The following GRID2 variants were observed in gnomAD, a reference collection of about 807,000 sequenced individuals.
GRID2 encodes glutamate ionotropic receptor delta type subunit 2, also known as glutamate receptor ionotropic, delta-2.
GRID2 carries 33 observed loss-of-function variants against 114.8 expected under a neutral mutation model. That is an observed-to-expected ratio of 0.29 (90% confidence interval 0.22 to 0.38). The LOEUF is 0.38. Ranked by LOEUF, GRID2 falls within the 10% of genes least tolerant of loss-of-function variation. GRID2 has a pLI of 1.00. For synonymous variants in GRID2, 505 were observed against 449.9 expected, an observed-to-expected ratio of 1.12 and a Z score of -1.55; for missense variants, 1,184 against 1,257.7, an observed-to-expected ratio of 0.94 and a Z score of 0.89.
At chr4:93,528,586 C>G (rs1365357503) in intron 13 of GRID2, among the ~76,000 whole-genome samples, 1 of 152,076 alleles carries the variant, frequency 6.6e-6, no homozygotes, top group Non-Finnish European at 1.5e-5. Flanking sequence ...TCACATTATG[C>G]TCCAATAAAA....
chr4:93,791,289 A>G (rs964091852), intron 1 of GRID2, among the ~76,000 whole-genome samples: 1 of 152,230 alleles, frequency 6.6e-6, no homozygotes, highest in African/African-American at 2.4e-5. Context: ...TTAAATATGC[A>G]CCACCTCGTG....
intron 2 of GRID2, among the ~76,000 whole-genome samples, chr4:92,913,467 T>C (rs1459403679): frequency 6.6e-6 from 1 of 151,936 alleles, no homozygotes; most frequent in Non-Finnish European, 1.5e-5. Context: ...TTCAAGATTA[T>C]CCTAAATATA....
chr4:92,607,830 C>A (rs1560486255), intron 2 of GRID2, among the ~76,000 whole-genome samples: 1 of 151,854 alleles, frequency 6.6e-6, no homozygotes, highest in African/African-American at 2.4e-5. Context: ...TAGAAGCACT[C>A]TACCTCTTCC....
At chr4:93,477,417 A>T (rs1013204231) in intron 11 of GRID2, among the ~76,000 whole-genome samples, 11 of 152,122 alleles carry the variant, frequency 7.2e-5, no homozygotes, top group Admixed American at 2.0e-4. Context: ...TTGATTATCC[A>T]TTAATATTGT....
At chr4:93,648,520 A>G (rs1722313269) in intron 14 of GRID2, among the ~76,000 whole-genome samples, 1 of 152,154 alleles carries the variant, frequency 6.6e-6, no homozygotes. Flanking sequence ...TTGAAGGGCT[A>G]TTTCTTAAAT....
chr4:92,348,340 A>C (rs1273891926), intron 1 of GRID2, among the ~76,000 whole-genome samples: 1 of 152,200 alleles, frequency 6.6e-6, no homozygotes, highest in African/African-American at 2.4e-5. Context: ...CAAGCATTTT[A>C]CATAAACCAT....
intron 2 of GRID2, among the ~76,000 whole-genome samples, chr4:92,956,549 A>G (rs945425366): frequency 4.6e-5 from 7 of 152,176 alleles, no homozygotes; most frequent in Non-Finnish European, 1.0e-4. Context: ...TAGATGTGCC[A>G]TAATTTATCA....
chr4:93,243,272 T>C (rs77596026), intron 8 of GRID2, among the ~76,000 whole-genome samples: 15,366 of 152,112 alleles, frequency 0.1, 1,463 homozygotes, highest in East Asian at 0.23. Flanking sequence ...AATTCATAGC[T>C]TGCCAGCTCA....
At chr4:93,715,227 G>T (rs115762830) in intron 14 of GRID2, among the ~76,000 whole-genome samples, 2,358 of 152,240 alleles carry the variant, frequency 0.015, 27 homozygotes, top group Non-Finnish European at 0.022. Flanking sequence ...GTTTGTTGAA[G>T]ATCAGATGGT....
chr4:92,825,689 G>T (rs1029361470), intron 2 of GRID2, among the ~76,000 whole-genome samples: 1 of 152,052 alleles, frequency 6.6e-6, no homozygotes, highest in Non-Finnish European at 1.5e-5. Flanking sequence ...ATAAATGAGA[G>T]CCACCTCCGC....
chr4:92,795,445 T>C (rs565142623), intron 2 of GRID2, among the ~76,000 whole-genome samples: 175 of 152,086 alleles, frequency 1.2e-3, no homozygotes, highest in Admixed American at 0.011. Flanking sequence ...TGTGAAACTG[T>C]AAATCCAATT....
In GRID2 at chr4:92,956,607, C is replaced by T. The variant is rs142825806; in HGVS notation, c.245-128388C>T. Among the ~76,000 whole-genome samples, 12 of 152,234 alleles carry T rather than the reference C, an allele frequency of 7.9e-5. No homozygotes were observed. In the East Asian group the frequency reaches 1.2e-3, roughly 15 times the overall value. On this transcript the variant is annotated intron_variant, in intron 2 of 15. Coordinates refer to ENST00000282020, the MANE Select transcript of GRID2 (RefSeq NM_001510.4). ...CAAGTTTTGGCAATTATAAATAAAG[C>T]TACTATAAGCATCAATTTTCAGGTT...
chr4:92,782,665 A>C (rs1233249419), intron 2 of GRID2, among the ~76,000 whole-genome samples: 1 of 152,130 alleles, frequency 6.6e-6, no homozygotes, highest in Non-Finnish European at 1.5e-5. Context: ...TAGATATGGA[A>C]ATGTATTACC....
intron 1 of GRID2, among the ~76,000 whole-genome samples, chr4:92,360,351 G>C (rs890196784): frequency 4.0e-5 from 6 of 151,816 alleles, no homozygotes; most frequent in Admixed American, 1.3e-4. Context: ...TCATAAAATT[G>C]TTTTGATTCT....
In GRID2 at chr4:93,122,890, G is replaced by GTTTT. The variant is rs886185779; in HGVS notation, c.735+11956_735+11959dup. On this transcript the variant is annotated intron_variant, in intron 4 of 15. Transcript: ENST00000282020. ...GTTACTAGTCAATCCACAGATGTGG[G>GTTTT]TTTTTTTTTTTTTTTTTTTTTTGAT... Among the ~76,000 whole-genome samples the GTTTT allele has an allele frequency of 4.2e-3, 291 of 69,726 alleles. 21 individuals carry two copies. The highest frequency in any genetic ancestry group is 0.013 in the African/African-American group (213 of 16,122). The allele number at this position is 69,726 out of a possible 152,430, so 45.7% of individuals were successfully genotyped here. A position where few individuals can be genotyped will look rare whatever the true frequency, so the allele number is the denominator to read the frequency against.
rs148365102 is a variant in GRID2, at chr4:93,765,501, G to A, written c.2361-3709G>A. ...AGAGGGTGCTTCCTTCTTTCCCCTC[G>A]ATGATCTCCTATCGCTCAGCTGGCT... On this transcript the variant is annotated intron_variant, in intron 14 of 15. Coordinates refer to ENST00000282020, the MANE Select transcript of GRID2 (RefSeq NM_001510.4). Among the ~76,000 whole-genome samples, 719 of 151,702 alleles carry A rather than the reference G, an allele frequency of 4.7e-3. 2 individuals carry two copies. Among genetic ancestry groups the A allele is most frequent in the Non-Finnish European group, 8.0e-3 (546 of 67,920 alleles).
chr4:92,921,668 G>T (rs1749351509), intron 2 of GRID2, among the ~76,000 whole-genome samples: 1 of 152,090 alleles, frequency 6.6e-6, no homozygotes, highest in Admixed American at 6.6e-5. Context: ...AGCGGCTATT[G>T]GTGAACAGCA....
chr4:93,168,293 AAGAAAG>A (rs1431088591), intron 4 of GRID2, among the ~76,000 whole-genome samples: 3 of 152,040 alleles, frequency 2.0e-5, no homozygotes, highest in South Asian at 2.1e-4. Flanking sequence ...AAGGGGAAGA[AAGAAAG>A]AGAAAGAAAG....
chr4:92,601,460 A>C (rs1479620263), intron 2 of GRID2, among the ~76,000 whole-genome samples: 2 of 152,196 alleles, frequency 1.3e-5, no homozygotes, highest in African/African-American at 2.4e-5. Context: ...TCAAGGCAGA[A>C]ATCAAGAAGT....
Sources: gnomAD v4.1 joint callset for allele counts (sites outside exome capture counted in the v4.1 genomes callset) on GRCh38, gnomAD v4.1.1 for gene constraint, MANE v1.5 for transcripts, NCBI Gene and HGNC (gene_info 2026-07-23, HGNC 2026-07-21) for gene names.